Variants in DLGAP1 observed in about 807,000 individuals in gnomAD.
The protein encoded by DLGAP1 is disks large-associated protein 1.
In DLGAP1, 11 loss-of-function variants were observed where a neutral mutation model predicts 90.8. The ratio of observed to expected loss-of-function variants is 0.12; its 90% CI spans 0.08 to 0.20. The LOEUF is 0.20. Among genes scored for constraint, DLGAP1 ranks in the 10% least tolerant of loss-of-function variants. The pLI is 1.00. For missense variants in DLGAP1, 1,050 were observed against 1,333.8 expected (o/e 0.79, Z 3.31); for synonymous variants, 558 against 540.7 (o/e 1.03, Z -0.44).
intron 2 of DLGAP1, among the ~76,000 whole-genome samples, chr18:4,019,547 G>A (rs1336422384): frequency 6.6e-6 from 1 of 151,948 alleles, no homozygotes; most frequent in Non-Finnish European, 1.5e-5. Flanking sequence ...ATGTCTTTGG[G>A]GAAGAATATT....
At chr18:4,217,491 G>C (rs1378722195) in intron 1 of DLGAP1, among the ~76,000 whole-genome samples, 2 of 152,072 alleles carry the variant, frequency 1.3e-5, no homozygotes, top group African/African-American at 4.8e-5. Context: ...AGCAATGAAT[G>C]AAAGTTCCTG....
rs111281852 is a variant in DLGAP1, at chr18:3,980,256, G to A, written c.-73+24860C>T. Among the ~76,000 whole-genome samples the A allele has an allele frequency of 2.4e-3, 371 of 152,284 alleles. 1 individual carries two copies. Among genetic ancestry groups the A allele is most frequent in the African/African-American group, 8.3e-3 (343 of 41,572 alleles). ...CTGCAGGGGTCTGATCTCAGGCATCGCGGCCTATCTGGAGGCAGAACCTAC... is the reference window on the plus strand; with the variant it reads ...CTGCAGGGGTCTGATCTCAGGCATCACGGCCTATCTGGAGGCAGAACCTAC... On this transcript the variant is annotated intron_variant, in intron 3 of 12. Coordinates refer to ENST00000315677, the MANE Select transcript of DLGAP1 (RefSeq NM_004746.4).
Position 3,744,308 on chromosome 18 carries a change from C to CCA in DLGAP1, c.1173-1798_1173-1797dup, listed in dbSNP as rs542870235. 1.1e-3 allele frequency among the ~76,000 whole-genome samples: 163 copies of CCA among 152,070 alleles called. 2 individuals are homozygous for CCA. The highest frequency in any genetic ancestry group is 3.8e-3 in the African/African-American group (158 of 41,478). ...AACAATACATAAATTAACAGCTTTTCCACGTAACATCAAATAAAATTTTAA... is the reference window on the plus strand; with the variant it reads ...AACAATACATAAATTAACAGCTTTTCCACACGTAACATCAAATAAAATTTTAA... On this transcript the variant is annotated intron_variant, in intron 5 of 12. Transcript: ENST00000315677.
At chr18:3,905,631 G>A (rs929138025) in intron 3 of DLGAP1, among the ~76,000 whole-genome samples, 7 of 152,070 alleles carry the variant, frequency 4.6e-5, no homozygotes, top group South Asian at 4.2e-4. Context: ...TGGAAATTTC[G>A]AATCAATTGT....
chr18:3,556,010 C>T (rs116809301), intron 9 of DLGAP1, among the ~76,000 whole-genome samples: 76 of 152,166 alleles, frequency 5.0e-4, no homozygotes, highest in African/African-American at 1.8e-3. Flanking sequence ...AGGAAACACG[C>T]AGAGCATTGT....
intron 3 of DLGAP1, among the ~76,000 whole-genome samples, chr18:3,941,897 A>G (rs2072777190): frequency 6.6e-6 from 1 of 152,060 alleles, no homozygotes; most frequent in Admixed American, 6.6e-5. Flanking sequence ...AATTTTTTGT[A>G]AAGACAGGGC....
intron 12 of DLGAP1, among the ~76,000 whole-genome samples, chr18:3,500,302 A>C (rs2143571104): frequency 6.6e-6 from 1 of 152,350 alleles, no homozygotes. Flanking sequence ...AATGGCGTCT[A>C]GACCACAAAG....
chr18:3,578,623 G>A (rs957259721), intron 8 of DLGAP1, among the ~76,000 whole-genome samples: 1 of 151,366 alleles, frequency 6.6e-6, no homozygotes. Flanking sequence ...CCAAAGTGCT[G>A]AGATTACAGG....
At chr18:4,038,198 C>T (rs72869566) in intron 2 of DLGAP1, among the ~76,000 whole-genome samples, 108 of 152,334 alleles carry the variant, frequency 7.1e-4, no homozygotes, top group Non-Finnish European at 1.3e-3. Flanking sequence ...GACTTGATAA[C>T]ACGTTTCAAC....
intron 3 of DLGAP1, among the ~76,000 whole-genome samples, chr18:3,955,586 T>G (rs553437727): frequency 6.6e-6 from 1 of 152,042 alleles, no homozygotes; most frequent in African/African-American, 2.4e-5. Context: ...TGGTGGTGCA[T>G]GCCTGTAATA....
At chr18:3,620,718 C>T (rs369433700) in intron 7 of DLGAP1, among the ~76,000 whole-genome samples, 51 of 152,098 alleles carry the variant, frequency 3.4e-4, no homozygotes, top group African/African-American at 1.1e-3. Flanking sequence ...CTACCACGCC[C>T]GGCTGATTTT....
intron 1 of DLGAP1, among the ~76,000 whole-genome samples, chr18:4,193,186 G>A (rs2077433418): frequency 6.6e-6 from 1 of 152,148 alleles, no homozygotes; most frequent in Non-Finnish European, 1.5e-5. Context: ...AGTCTTCTCA[G>A]GAGCATGCTG....
chr18:3,810,612 C>T (rs779086566), intron 5 of DLGAP1, among the ~76,000 whole-genome samples: 4 of 151,970 alleles, frequency 2.6e-5, no homozygotes, highest in Admixed American at 1.3e-4. Flanking sequence ...ACTAGAATTC[C>T]AGGATATAGG....
intron 3 of DLGAP1, among the ~76,000 whole-genome samples, chr18:3,936,410 C>T (rs1192115084): frequency 6.6e-6 from 1 of 152,188 alleles, no homozygotes; most frequent in Non-Finnish European, 1.5e-5. Context: ...GAGCCTCTTC[C>T]TTTCCTGTAC....
At chr18:4,110,955 C>T (rs1042780789) in intron 2 of DLGAP1, among the ~76,000 whole-genome samples, 1 of 152,146 alleles carries the variant, frequency 6.6e-6, no homozygotes, top group Non-Finnish European at 1.5e-5. Flanking sequence ...AAAGTCCTAT[C>T]GACTTACAAA....
chr18:3,829,093 T>C (rs532832059), intron 4 of DLGAP1, among the ~76,000 whole-genome samples: 108 of 152,324 alleles, frequency 7.1e-4, no homozygotes, highest in African/African-American at 2.5e-3. Context: ...AGGAGGATGG[T>C]GCAATGAATA....
intron 2 of DLGAP1, among the ~76,000 whole-genome samples, chr18:4,114,359 T>C (rs1362366519): frequency 6.6e-6 from 1 of 152,098 alleles, no homozygotes; most frequent in Non-Finnish European, 1.5e-5. Flanking sequence ...TTTATTATTA[T>C]TTTTTGTGAC....
intron 10 of DLGAP1, among the ~76,000 whole-genome samples, chr18:3,514,428 G>A (rs2050713611): frequency 1.3e-5 from 2 of 152,176 alleles, no homozygotes; most frequent in Admixed American, 1.3e-4. Context: ...CCCTGCAATG[G>A]ATTACCTCTG....
At chr18:3,698,476 T>G (rs2061169565) in intron 7 of DLGAP1, among the ~76,000 whole-genome samples, 1 of 152,216 alleles carries the variant, frequency 6.6e-6, no homozygotes, top group African/African-American at 2.4e-5. Context: ...AAATTCTGGG[T>G]TGAAAATTCC....
Sources: allele counts gnomAD v4.1 joint callset (sites outside exome capture counted in the v4.1 genomes callset), GRCh38; gene constraint gnomAD v4.1.1; transcripts MANE v1.5; gene names NCBI Gene and HGNC (gene_info 2026-07-23, HGNC 2026-07-21).